The following ERC1 variants were observed in gnomAD, a reference collection of about 807,000 sequenced individuals.
ERC1 encodes ELKS/RAB6-interacting/CAST family member 1, also known as RAB6 interacting protein 2.
A neutral mutation model predicts 132.0 loss-of-function variants in ERC1; 56 were observed. The ratio of observed to expected loss-of-function variants is 0.42; its 90% CI spans 0.34 to 0.53. The LOEUF (loss-of-function observed/expected upper bound fraction) is 0.53. Among genes scored for constraint, ERC1 ranks in the 20% least tolerant of loss-of-function variants. ERC1 has a pLI of 0.03. For synonymous variants in ERC1, 478 were observed against 476.1 expected (o/e 1.00, Z -0.05); for missense variants, 1,202 against 1,349.9 (o/e 0.89, Z 1.72).
chr12:1,378,712 C>T (rs144799740), intron 16 of ERC1, among the ~76,000 whole-genome samples: 1,807 of 152,286 alleles, frequency 0.012, 15 homozygotes, highest in Middle Eastern at 0.037. Context: ...CAGCAGTCCT[C>T]CCTTCCTTTT....
chr12:1,082,464 T>A (rs1345693902), intron 2 of ERC1, among the ~76,000 whole-genome samples: 1 of 148,044 alleles, frequency 6.8e-6, no homozygotes. Context: ...ATCCTTTGTA[T>A]TTTTTGATGA....
At chr12:1,144,734 G>C (rs1950194808) in intron 8 of ERC1, among the ~76,000 whole-genome samples, 1 of 150,242 alleles carries the variant, frequency 6.7e-6, no homozygotes, top group Non-Finnish European at 1.5e-5. Context: ...TTTTGGAATT[G>C]CGAATGTGCT....
chr12:1,481,724 A>G (rs2154431671), intron 18 of ERC1, among the ~76,000 whole-genome samples: 1 of 152,160 alleles, frequency 6.6e-6, no homozygotes, highest in East Asian at 1.9e-4. Flanking sequence ...TTTCCCAGGC[A>G]TAGCATACGT....
At position 995,766 on chromosome 12, in the gene ERC1, C is replaced by T. The variant is rs191146561; in HGVS notation, c.-157+4444C>T. Among the ~76,000 whole-genome samples the T allele has an allele frequency of 1.5e-3, 226 of 152,126 alleles. 1 individual carries two copies. The highest frequency in any genetic ancestry group is 5.4e-3 in the African/African-American group (222 of 41,490). ...CTTTTTAGGCATTGGGGATATAAACCTGACAAAAGTTTTCACCTTCATGGA... is the reference window on the plus strand; with the variant it reads ...CTTTTTAGGCATTGGGGATATAAACTTGACAAAAGTTTTCACCTTCATGGA... On this transcript the variant is annotated intron_variant, in intron 1 of 18. Transcript: ENST00000360905.
intron 12 of ERC1, among the ~76,000 whole-genome samples, chr12:1,219,664 G>A (rs1468955545): frequency 7.1e-6 from 1 of 141,226 alleles, no homozygotes. Flanking sequence ...TTGAGACAGG[G>A]TCTCACTGTT....
At chr12:1,270,023 T>A (rs2077722685) in intron 14 of ERC1, among the ~76,000 whole-genome samples, 1 of 152,208 alleles carries the variant, frequency 6.6e-6, no homozygotes, top group Admixed American at 6.5e-5. Context: ...TGGTAGATTA[T>A]GATAAATAAT....
In ERC1 at chr12:1,374,824, A is replaced by ATTTTTTT. The variant is rs5795968; in HGVS notation, c.2925+2863_2925+2869dup. On this transcript the variant is annotated intron_variant, in intron 16 of 18. Transcript: ENST00000360905. ...GCTGGGCTTTTCAGGACAGGCTGGG[A>ATTTTTTT]TTTTTTTTTTTTTTTTTTTTTTCTG... Among the ~76,000 whole-genome samples, 318 of 124,536 alleles carry ATTTTTTT rather than the reference A, an allele frequency of 2.6e-3. 4 individuals carry two copies. The highest frequency in any genetic ancestry group is 7.2e-3 in the African/African-American group (244 of 33,750). The allele number at this position is 124,536 out of a possible 152,430, so 81.7% of individuals were successfully genotyped here.
At chr12:1,386,165 G>A (rs139224112) in intron 16 of ERC1, among the ~76,000 whole-genome samples, 4,737 of 149,658 alleles carry the variant, frequency 0.032, 81 homozygotes, top group Middle Eastern at 0.075. Context: ...TCAGCCTCCC[G>A]AGTAGCTGGG....
intron 18 of ERC1, among the ~76,000 whole-genome samples, chr12:1,459,313 A>G (rs1210205332): frequency 1.3e-5 from 2 of 152,160 alleles, no homozygotes; most frequent in Non-Finnish European, 2.9e-5. Context: ...CCTCATGGCT[A>G]TATATATGAA....
chr12:1,027,029 C>T (rs1327065463), intron 1 of ERC1, among the ~76,000 whole-genome samples: 1 of 152,210 alleles, frequency 6.6e-6, no homozygotes, highest in Non-Finnish European at 1.5e-5. Flanking sequence ...TCCATGAACA[C>T]AGATAACTTT....
chr12:1,454,123 T>A (rs1478974374), intron 18 of ERC1, among the ~76,000 whole-genome samples: 1 of 152,108 alleles, frequency 6.6e-6, no homozygotes, highest in Non-Finnish European at 1.5e-5. Flanking sequence ...TAATTAATCA[T>A]GCCTACTTAA....
intron 6 of ERC1, among the ~76,000 whole-genome samples, chr12:1,112,548 G>T (rs1237294870): frequency 6.6e-6 from 1 of 152,150 alleles, no homozygotes; most frequent in Non-Finnish European, 1.5e-5. Flanking sequence ...TGTTGCTTTT[G>T]TCACTCTGTG....
chr12:1,341,470 T>C (rs922313061), intron 15 of ERC1, among the ~76,000 whole-genome samples: 2 of 152,148 alleles, frequency 1.3e-5, no homozygotes, highest in Non-Finnish European at 2.9e-5. Context: ...CATCATGGAA[T>C]ACTATGCAGC....
chr12:1,383,799 G>A (rs768445709), intron 16 of ERC1, among the ~76,000 whole-genome samples: 3 of 152,298 alleles, frequency 2.0e-5, no homozygotes, highest in African/African-American at 7.2e-5. Context: ...CAGTATTCAC[G>A]CCATTAGTCA....
intron 8 of ERC1, among the ~76,000 whole-genome samples, chr12:1,154,209 G>GTGTGTA (rs1404666204): frequency 0.032 from 3,645 of 113,174 alleles, 178 homozygotes; most frequent in African/African-American, 0.11. Flanking sequence ...CATGGTGTGT[G>GTGTGTA]TGTGTATGTA....
At chr12:1,281,357 G>T (rs2154336521) in intron 14 of ERC1, among the ~76,000 whole-genome samples, 1 of 152,214 alleles carries the variant, frequency 6.6e-6, no homozygotes, top group South Asian at 2.1e-4. Flanking sequence ...TTTCAGAAGA[G>T]AAATTATCAG....
chr12:1,368,567 A>G (rs1484440809), intron 15 of ERC1, among the ~76,000 whole-genome samples: 1 of 152,178 alleles, frequency 6.6e-6, no homozygotes, highest in African/African-American at 2.4e-5. Flanking sequence ...AAGTCCGACT[A>G]TACCATATGG....
chr12:1,348,424 C>T (rs987992352), intron 15 of ERC1, among the ~76,000 whole-genome samples: 4 of 152,144 alleles, frequency 2.6e-5, no homozygotes, highest in Non-Finnish European at 4.4e-5. Context: ...CAGTGGCTCA[C>T]GCCTGTCATC....
Position 1,028,309 on chromosome 12 carries a change from G to A in ERC1, c.406G>A (p.Ala136Thr), listed in dbSNP as rs551464705. Residue 136 changes from alanine to threonine, a missense_variant, in exon 2 of 19, where the codon GCA becomes ACA. By Grantham distance (58) the Ala-to-Thr change is moderately conservative (BLOSUM62 0). Coordinates refer to ENST00000360905, the MANE Select transcript of ERC1 (RefSeq NM_178040.4). ...GCATCACCTCCCTCCTGTGAGTATG[G>A]CATCCACTGTACCTCACTCCCTTCG... ...GEHHLPPVSM[A>T]STVPHSLRQA... is the part of the protein sequence containing the mutation. 2 of 1,614,170 alleles carry A rather than the reference G, an allele frequency of 1.2e-6. No individual in the cohort carries two copies. The highest frequency in any genetic ancestry group is 1.7e-6 in the Non-Finnish European group (2 of 1,180,028).
Sources: gnomAD v4.1 joint callset for allele counts (sites outside exome capture counted in the v4.1 genomes callset) on GRCh38, gnomAD v4.1.1 for gene constraint, MANE v1.5 for transcripts, NCBI Gene and HGNC (gene_info 2026-07-23, HGNC 2026-07-21) for gene names.